RABL6: variants seen among roughly 807,000 people sequenced by gnomAD.
The protein encoded by RABL6 is RAB, member RAS oncogene family like 6.
In RABL6, 28 loss-of-function variants were observed where a neutral mutation model predicts 72.9. The ratio of observed to expected loss-of-function variants is 0.38; its 90% CI spans 0.28 to 0.53. RABL6 has a LOEUF of 0.53. RABL6 is among the 20% of genes least tolerant of loss of function. The pLI, the probability that RABL6 is intolerant of heterozygous loss-of-function variation, is 0.80. For missense variants in RABL6, 1,029 were observed against 1,008.4 expected, an observed-to-expected ratio of 1.02 and a Z score of -0.28; for synonymous variants, 477 against 421.2, an observed-to-expected ratio of 1.13 and a Z score of -1.62.
intron 1 of RABL6, among the ~76,000 whole-genome samples, chr9:136,812,054 T>C (rs190226179): frequency 2.6e-5 from 4 of 152,336 alleles, no homozygotes; most frequent in Admixed American, 6.5e-5. Context: ...TTAGGAAAAT[T>C]ATTTGAAATT....
chr9:136,808,851 A>G (rs1847936512), intron 1 of RABL6: 1 of 152,136 alleles, frequency 6.6e-6, no homozygotes, highest in Non-Finnish European at 1.5e-5. Flanking sequence ...TTTTTTTTAA[A>G]AGAAGCGTTT....
intron 7 of RABL6, chr9:136,833,895 C>G (rs1564370103): frequency 6.4e-7 from 1 of 1,550,518 alleles, no homozygotes; most frequent in Non-Finnish European, 8.7e-7. Context: ...GCAGAGCCGT[C>G]CCCTCATCAC....
At chr9:136,822,243 G>C (rs551585006) in intron 1 of RABL6, among the ~76,000 whole-genome samples, 2 of 152,146 alleles carry the variant, frequency 1.3e-5, no homozygotes, top group African/African-American at 4.8e-5. Context: ...TGACACAGAT[G>C]GGGGAGCGGG....
chr9:136,834,491 T>A, intron 7 of RABL6: 1 of 963,906 alleles, frequency 1.0e-6, no homozygotes, highest in Non-Finnish European at 1.2e-6. Flanking sequence ...TAATACACTC[T>A]TTTTTTTGGA....
rs1457084948 is a variant in RABL6, at chr9:136,841,003, C to T, written c.*481C>T. ...TGCAGACTCACCCTAAAGGGCGGCCCAGGCCCCACGCTAGAAGGCTGGCGA... is the reference window on the plus strand; with the variant it reads ...TGCAGACTCACCCTAAAGGGCGGCCTAGGCCCCACGCTAGAAGGCTGGCGA... On this transcript the variant is annotated 3_prime_UTR_variant, in exon 15 of 15. Coordinates refer to ENST00000311502, the MANE Select transcript of RABL6 (RefSeq NM_024718.5). The T allele has an allele frequency of 2.1e-6, 3 of 1,440,802 alleles. No individual in the cohort carries two copies. Among genetic ancestry groups the T allele is most frequent in the Admixed American group, 2.9e-5 (1 of 34,340 alleles). The allele number at this position is 1,440,802 out of a possible 1,614,324, so 89.3% of individuals were successfully genotyped here. A position where few individuals can be genotyped will look rare whatever the true frequency, so the allele number is the denominator to read the frequency against.
intron 1 of RABL6, among the ~76,000 whole-genome samples, chr9:136,823,028 C>T (rs1011889569): frequency 2.7e-5 from 4 of 148,854 alleles, no homozygotes; most frequent in Non-Finnish European, 5.9e-5. Context: ...GTGGAGCTTG[C>T]AGTGAGCCGA....
chr9:136,816,209 A>G (rs149203853), intron 1 of RABL6, among the ~76,000 whole-genome samples: 216 of 152,224 alleles, frequency 1.4e-3, no homozygotes, highest in African/African-American at 4.6e-3. Context: ...GGCTCAAGCA[A>G]TCTTCCCACC....
chr9:136,824,223 T>C (rs1290164936), intron 2 of RABL6, among the ~76,000 whole-genome samples: 1 of 151,096 alleles, frequency 6.6e-6, no homozygotes. Context: ...GCTCCTGCTG[T>C]GGGAGGCAGA....
Position 136,808,336 on chromosome 9 carries a change from G to GCGGGC in RABL6, c.130+15_130+19dup. The GCGGGC allele has an allele frequency of 6.6e-7, 1 of 1,515,166 alleles. No individual in the cohort carries two copies. The highest frequency in any genetic ancestry group is 8.8e-7 in the Non-Finnish European group (1 of 1,132,714). The allele number at this position is 1,515,166 out of a possible 1,614,324, so 93.9% of individuals were successfully genotyped here. A position where few individuals can be genotyped will look rare whatever the true frequency, so the allele number is the denominator to read the frequency against. On this transcript the variant is annotated intron_variant, in intron 1 of 14. Coordinates refer to ENST00000311502, the MANE Select transcript of RABL6 (RefSeq NM_024718.5). Reference sequence around the variant, plus strand: ...GGGGTGCAGTACAACAGTGAGTGCGGCGGGCCGGGGGGGCGCGGGAGCGCC... The same window carrying GCGGGC: ...GGGGTGCAGTACAACAGTGAGTGCGGCGGGCCGGGCCGGGGGGGCGCGGGAGCGCC...
rs950259607 is a variant in RABL6 at position 136,808,126 on chromosome 9, C to T, written c.-71C>T. On this transcript the variant is annotated 5_prime_UTR_variant, in exon 1 of 15. Coordinates refer to ENST00000311502, the MANE Select transcript of RABL6 (RefSeq NM_024718.5). ...GGGCCGGGGCCGCCGGGACATGGTG[C>T]CAGTCGCACCCCTTCCCCGCCGCCG... 7.1e-6 allele frequency: 10 copies of T among 1,417,202 alleles called. No individual in the cohort carries two copies. The South Asian group carries it at 1.1e-4, about 16-fold the overall frequency. 87.8% of individuals were successfully genotyped at this position (1,417,202 alleles called of 1,614,324 possible).
chr9:136,821,067 A>C (rs1383190581), intron 1 of RABL6, among the ~76,000 whole-genome samples: 1 of 152,168 alleles, frequency 6.6e-6, no homozygotes, highest in Non-Finnish European at 1.5e-5. Flanking sequence ...GCCTGGAATG[A>C]GCTCCCCGCG....
In RABL6 at chr9:136,826,568, A is replaced by AT. The variant is rs1848362635; in HGVS notation, c.313+743dup. ...GTGCTTTGTTGGGGTGGGTTTGGCC[A>AT]TGGGGGGTTAGAGGCAGGTGCTCAT... On this transcript the variant is annotated intron_variant, in intron 3 of 14. Coordinates refer to ENST00000311502, the MANE Select transcript of RABL6 (RefSeq NM_024718.5). This position sits in a 1 kb window ranked among gnomAD's most constrained non-coding sequence, Gnocchi z 4.9. 1 of 152,426 alleles carries AT rather than the reference A, an allele frequency of 6.6e-6. No homozygotes were observed. 9.4% of individuals were successfully genotyped at this position (152,426 alleles called of 1,614,324 possible).
rs1048470392 is a variant in RABL6 at position 136,807,965 on chromosome 9, C to T, written c.-232C>T. On this transcript the variant is annotated 5_prime_UTR_variant, in exon 1 of 15. Transcript: ENST00000311502. The stretch of plus-strand genomic sequence containing the variant: ...CGGCGCCAAGATGGCGGCGCTGACT[C>T]CTGGAGAGCGGTCGCGCCGGAGGCC... 60 of 1,002,820 alleles carry T rather than the reference C, an allele frequency of 6.0e-5. No homozygotes were observed. Among genetic ancestry groups the T allele is most frequent in the Admixed American group, 1.2e-4 (2 of 16,664 alleles). 62.1% of individuals were successfully genotyped at this position (1,002,820 alleles called of 1,614,324 possible). A position where few individuals can be genotyped will look rare whatever the true frequency, so the allele number is the denominator to read the frequency against.
rs1437352382 is a variant in RABL6 at position 136,832,385 on chromosome 9, C to T, written c.705+15C>T. ...TGCAGCTTCAGGTAAGCACTCACCA[C>T]GTGGGGTGGAGTGGCTGCTGGTCTC... On this transcript the variant is annotated intron_variant, in intron 7 of 14. Coordinates refer to ENST00000311502, the MANE Select transcript of RABL6 (RefSeq NM_024718.5). The T allele has an allele frequency of 1.3e-6, 2 of 1,587,446 alleles. No homozygotes were observed. Among genetic ancestry groups the T allele is most frequent in the East Asian group, 2.2e-5 (1 of 44,748 alleles).
chr9:136,819,155 T>C (rs1588352347), intron 1 of RABL6, among the ~76,000 whole-genome samples: 1 of 151,908 alleles, frequency 6.6e-6, no homozygotes, highest in East Asian at 1.9e-4. Context: ...ACCCCGTCTC[T>C]AATAAAAATA....
intron 5 of RABL6, among the ~76,000 whole-genome samples, chr9:136,830,027 G>C (rs1271704213): frequency 6.6e-6 from 1 of 152,240 alleles, no homozygotes; most frequent in Non-Finnish European, 1.5e-5. Context: ...AGCCCCAGCG[G>C]GGGGGTGCTG....
intron 1 of RABL6, 151 bp from the exon 2 acceptor site, chr9:136,823,374 C>T: frequency 1.8e-6 from 2 of 1,088,342 alleles, no homozygotes; most frequent in South Asian, 1.6e-5. Context: ...CCATCGTCTT[C>T]CTCCCCTGCC....
rs748988899 is a variant in RABL6 at position 136,839,355 on chromosome 9, G to A, written c.1627G>A (p.Glu543Lys). The A allele has an allele frequency of 6.2e-7, 1 of 1,612,748 alleles. No individual in the cohort carries two copies. The highest frequency in any genetic ancestry group is 8.5e-7 in the Non-Finnish European group (1 of 1,179,806). The change falls in exon 12 of 15, where the codon GAG (glutamate) becomes AAG (lysine). Residue 543 changes from glutamate (E) to lysine (K), a missense_variant. This residue lies in a region of RABL6 where 595 missense variants were observed against 472.4 expected (regional missense o/e 1.26). Transcript: ENST00000311502. ...CAGCACCAGGCCCCCTGCTGAGATG[G>A]AGCCGGGGAAGGGTGAGCAGGCCTC... ...RSSTRPPAEMEPGKGEQASSS... is the reference protein window; with the variant it reads ...RSSTRPPAEMKPGKGEQASSS...
chr9:136,814,023 C>T, intron 1 of RABL6: 1 of 414,338 alleles, frequency 2.4e-6, no homozygotes, highest in South Asian at 2.0e-5. Flanking sequence ...CTTTTGGTTT[C>T]TCTAGTTTAA....
Sources: gnomAD v4.1 joint callset for allele counts (sites outside exome capture counted in the v4.1 genomes callset) on GRCh38, gnomAD v4.1.1 for gene constraint, gnomAD v4.1.1 regional missense constraint, Gnocchi (gnomAD v3.1) non-coding constraint, MANE v1.5 for transcripts, NCBI Gene and HGNC (gene_info 2026-07-23, HGNC 2026-07-21) for gene names.